Variants in FGFR2 observed in about 807,000 individuals in gnomAD.
FGFR2 encodes fibroblast growth factor receptor 2.
In FGFR2, 19 loss-of-function variants were observed where a neutral mutation model predicts 95.9. The observed-to-expected ratio is 0.20, with a 90% CI of 0.14 to 0.29. The LOEUF is 0.29. FGFR2 is among the 10% of genes least tolerant of loss of function. The pLI is 1.00. For missense variants in FGFR2, 707 were observed against 1,056.9 expected, an observed-to-expected ratio of 0.67 and a Z score of 4.59; for synonymous variants, 392 against 393.3, an observed-to-expected ratio of 1.00 and a Z score of 0.04.
At chr10:121,514,262 A>G (rs998064079) in intron 9 of FGFR2, among the ~76,000 whole-genome samples, 1 of 152,238 alleles carries the variant, frequency 6.6e-6, no homozygotes, top group East Asian at 1.9e-4. Flanking sequence ...AACGTTCTGC[A>G]TCTACATCTG....
At chr10:121,534,647 C>T (rs764396803) in intron 6 of FGFR2, among the ~76,000 whole-genome samples, 4 of 152,146 alleles carry the variant, frequency 2.6e-5, no homozygotes, top group Non-Finnish European at 5.9e-5. Context: ...CTGCCCGCCT[C>T]GGCCTCCCCA....
chr10:121,523,716 T>C (rs1268016320), intron 6 of FGFR2, among the ~76,000 whole-genome samples: 2 of 152,216 alleles, frequency 1.3e-5, no homozygotes, highest in African/African-American at 4.8e-5. Context: ...TGCATGTGTG[T>C]GTGTAGTGTG....
chr10:121,499,788 G>A (rs1011049600), intron 11 of FGFR2, among the ~76,000 whole-genome samples: 13 of 152,200 alleles, frequency 8.5e-5, no homozygotes, highest in African/African-American at 2.2e-4. Context: ...GTTCCTCCCC[G>A]GCATCAGGCT....
At chr10:121,488,269 G>A (rs1027761480) in intron 13 of FGFR2, among the ~76,000 whole-genome samples, 156 bp from the exon 14 acceptor site, 5 of 151,992 alleles carry the variant, frequency 3.3e-5, no homozygotes, top group African/African-American at 1.2e-4. Flanking sequence ...GGCCGGGTGC[G>A]GTGGCTCATG....
intron 2 of FGFR2, among the ~76,000 whole-genome samples, chr10:121,585,072 A>T (rs947120121): frequency 4.6e-5 from 7 of 152,212 alleles, no homozygotes; most frequent in Non-Finnish European, 8.8e-5. Flanking sequence ...TCAAACAGAA[A>T]ACTCTTTTGC....
chr10:121,491,785 G>A (rs193039480), intron 13 of FGFR2, among the ~76,000 whole-genome samples: 95 of 151,006 alleles, frequency 6.3e-4, no homozygotes, highest in African/African-American at 1.9e-3. Context: ...CAGGAGAATC[G>A]CTAGAACCTG....
At position 121,571,897 on chromosome 10, in the gene FGFR2, C is replaced by T. The variant is rs533321127; in HGVS notation, c.110-6193G>A. 4.6e-5 allele frequency among the ~76,000 whole-genome samples: 7 copies of T among 150,974 alleles called. No homozygotes were observed. In the East Asian group the frequency reaches 1.4e-3, roughly 30 times the overall value. The stretch of plus-strand genomic sequence containing the variant: ...GCTGGAGGTTGTGGTGAGCTGAGCT[C>T]ACGCCATTGCACTCCAGCCGGGGCA... On this transcript the variant is annotated intron_variant, in intron 2 of 17. Coordinates refer to ENST00000358487, the MANE Select transcript of FGFR2 (RefSeq NM_000141.5).
At chr10:121,585,301 A>C (rs1453372913) in intron 2 of FGFR2, among the ~76,000 whole-genome samples, 3 of 152,258 alleles carry the variant, frequency 2.0e-5, no homozygotes, top group Non-Finnish European at 2.9e-5. Context: ...TTACATTTTA[A>C]TTAATGTAAA....
intron 2 of FGFR2, among the ~76,000 whole-genome samples, chr10:121,591,137 A>G (rs1471829211): frequency 6.6e-6 from 1 of 152,172 alleles, no homozygotes; most frequent in Admixed American, 6.5e-5. Flanking sequence ...TCTGACACCA[A>G]AGCGAACTCC....
chr10:121,595,346 A>G (rs548511823), intron 1 of FGFR2, among the ~76,000 whole-genome samples: 1 of 152,346 alleles, frequency 6.6e-6, no homozygotes, highest in African/African-American at 2.4e-5. Flanking sequence ...TTTCCAAAGG[A>G]GGAATAAAGA....
intron 6 of FGFR2, among the ~76,000 whole-genome samples, chr10:121,534,582 A>G (rs1292755354): frequency 6.8e-6 from 1 of 147,470 alleles, no homozygotes; most frequent in African/African-American, 2.5e-5. Flanking sequence ...TTTTAGTAGA[A>G]ACGAGGTTTC....
At chr10:121,490,337 T>C (rs1845975097) in intron 13 of FGFR2, among the ~76,000 whole-genome samples, 1 of 152,004 alleles carries the variant, frequency 6.6e-6, no homozygotes, top group African/African-American at 2.4e-5. Flanking sequence ...GCTAATTTTG[T>C]ATTTTTGGTA....
intron 6 of FGFR2, 143 bp from the exon 7 acceptor site, chr10:121,520,312 T>G (rs2134323656): frequency 1.3e-6 from 1 of 788,858 alleles, no homozygotes; most frequent in Non-Finnish European, 1.9e-6. Flanking sequence ...AATAACACTG[T>G]GGCCCCATGA....
intron 14 of FGFR2, 148 bp downstream of exon 14, chr10:121,487,843 T>C: frequency 2.1e-6 from 2 of 975,574 alleles, no homozygotes; most frequent in East Asian, 2.4e-5. Flanking sequence ...TGAGAGTTTG[T>C]GAATAGTAAG....
chr10:121,499,049 C>T (rs1179279893), intron 11 of FGFR2, among the ~76,000 whole-genome samples: 4 of 152,160 alleles, frequency 2.6e-5, no homozygotes, highest in Admixed American at 6.5e-5. Flanking sequence ...GCCCTTAGAG[C>T]GTTCCGAGGT....
At chr10:121,592,119 C>A (rs946341438) in intron 2 of FGFR2, among the ~76,000 whole-genome samples, 3 of 152,190 alleles carry the variant, frequency 2.0e-5, no homozygotes, top group African/African-American at 7.2e-5. Context: ...AAAGCCCACA[C>A]CGTAGGAAAT....
chr10:121,581,627 C>T (rs1860901145), intron 2 of FGFR2, among the ~76,000 whole-genome samples: 1 of 151,514 alleles, frequency 6.6e-6, no homozygotes, highest in Non-Finnish European at 1.5e-5. Flanking sequence ...CAGCCTGCGC[C>T]TATAGTCGCA....
intron 2 of FGFR2, among the ~76,000 whole-genome samples, chr10:121,566,100 A>G (rs1364341507): frequency 6.6e-6 from 1 of 152,220 alleles, no homozygotes. Flanking sequence ...TTGTACGTGA[A>G]ACGTGACTGT....
At chr10:121,571,943 C>CAA (rs66550550) in intron 2 of FGFR2, among the ~76,000 whole-genome samples, 1 of 105,390 alleles carries the variant, frequency 9.5e-6, no homozygotes, top group Non-Finnish European at 2.0e-5. Flanking sequence ...AACTCCATCT[C>CAA]AAAAAAAAAA....
Sources: gnomAD v4.1 joint callset for allele counts (sites outside exome capture counted in the v4.1 genomes callset) on GRCh38, gnomAD v4.1.1 for gene constraint, MANE v1.5 for transcripts, NCBI Gene and HGNC (gene_info 2026-07-23, HGNC 2026-07-21) for gene names.